The following NUP98 variants were observed in gnomAD, a reference collection of about 807,000 sequenced individuals.
The protein encoded by NUP98 is nucleoporin 98 and 96 precursor, also known as nuclear pore complex protein Nup98-Nup96.
Under a neutral mutation model 191.9 loss-of-function variants are expected in NUP98, and 26 were observed. The observed-to-expected ratio is 0.14, with a 90% CI of 0.10 to 0.19. NUP98 has a LOEUF of 0.19. NUP98 is among the 10% of genes least tolerant of loss of function. The probability of loss-of-function intolerance (pLI) is 1.00; values close to 1 mark genes in which losing one functional copy is unlikely to be tolerated. For synonymous variants in NUP98, 808 were observed against 778.4 expected, an observed-to-expected ratio of 1.04 and a Z score of -0.63; for missense variants, 1,941 against 2,178.8, an observed-to-expected ratio of 0.89 and a Z score of 2.17.
intron 18 of NUP98, among the ~76,000 whole-genome samples, chr11:3,719,147 T>C (rs1023184626): frequency 2.7e-5 from 4 of 148,906 alleles, no homozygotes; most frequent in Non-Finnish European, 6.0e-5. Context: ...AATAGTAAAA[T>C]GAAATGAAAT....
chr11:3,726,513 C>T (rs1159167671), intron 14 of NUP98, among the ~76,000 whole-genome samples: 3 of 144,594 alleles, frequency 2.1e-5, no homozygotes, highest in Non-Finnish European at 3.0e-5. Flanking sequence ...TCCCTATAGA[C>T]GCCACTGACA....
At chr11:3,689,171 T>G (rs1186943979) in intron 28 of NUP98, among the ~76,000 whole-genome samples, 1 of 152,086 alleles carries the variant, frequency 6.6e-6, no homozygotes, top group Non-Finnish European at 1.5e-5. Context: ...TGGTTGAGAC[T>G]GCAATGAGCC....
chr11:3,778,793 C>A, intron 4 of NUP98, 80 bp downstream of exon 4: 1 of 1,437,382 alleles, frequency 7.0e-7, no homozygotes, highest in Non-Finnish European at 9.5e-7. Context: ...TAGATGAACA[C>A]AGAAAAACGG....
intron 8 of NUP98, among the ~76,000 whole-genome samples, chr11:3,767,495 C>G (rs1402685853): frequency 4.0e-5 from 6 of 151,458 alleles, no homozygotes; most frequent in African/African-American, 1.5e-4. Context: ...CTGTGCCTGG[C>G]TAAGTTTTGT....
intron 12 of NUP98, among the ~76,000 whole-genome samples, chr11:3,739,020 C>T (rs571533629): frequency 3.9e-5 from 6 of 151,960 alleles, no homozygotes; most frequent in Admixed American, 3.3e-4. Flanking sequence ...ACTAAGATTC[C>T]GTGGTATAAA....
At chr11:3,702,311 A>ACTCT (rs2078716567) in intron 23 of NUP98, 152 bp downstream of exon 23, 104 of 424,004 alleles carry the variant, frequency 2.5e-4, no homozygotes, top group Non-Finnish European at 3.2e-4. Flanking sequence ...ACACACACAC[A>ACTCT]CACTCTCTCT....
At chr11:3,691,217 T>C in intron 28 of NUP98, 130 bp downstream of exon 28, 1 of 905,770 alleles carries the variant, frequency 1.1e-6, no homozygotes, top group South Asian at 1.7e-5. Flanking sequence ...TCAACTACTT[T>C]AAGTTATATT....
intron 4 of NUP98, 98 bp from the exon 5 acceptor site, chr11:3,776,119 T>A: frequency 5.2e-6 from 4 of 766,522 alleles, no homozygotes; most frequent in Non-Finnish European, 6.2e-6. Context: ...TCACAGTACT[T>A]CATTTTTTTT....
Position 3,797,461 on chromosome 11 carries a change from G to A in NUP98, c.-90C>T, listed in dbSNP as rs2082726602. The A allele has an allele frequency of 4.7e-6, 2 of 424,210 alleles. No individual in the cohort carries two copies. The highest frequency in any genetic ancestry group is 7.1e-5 in the East Asian group (2 of 28,116). 26.3% of individuals were successfully genotyped at this position (424,210 alleles called of 1,614,324 possible). On this transcript the variant is annotated 5_prime_UTR_variant, in exon 1 of 33. Coordinates refer to ENST00000324932, the MANE Select transcript of NUP98 (RefSeq NM_016320.5). ...CCTGCTGCCACCCGCCGCTCACAGA[G>A]CAGCGCGCGGCCCCCACGAAACCGT...
At chr11:3,755,298 GAAAA>G (rs34400646) in intron 10 of NUP98, among the ~76,000 whole-genome samples, 1 of 136,722 alleles carries the variant, frequency 7.3e-6, no homozygotes, top group Non-Finnish European at 1.6e-5. Flanking sequence ...CTACTACCAC[GAAAA>G]AAAAAAAAAA....
At chr11:3,683,511 A>G (rs1185635851) in intron 29 of NUP98, 70 bp from the exon 30 acceptor site, 3 of 1,559,512 alleles carry the variant, frequency 1.9e-6, no homozygotes, top group East Asian at 4.5e-5. Flanking sequence ...GGCAGCTTAG[A>G]GTGGCCCTTG....
At chr11:3,686,222 T>C (rs887196124) in intron 28 of NUP98, 28 bp from the exon 29 acceptor site, 13 of 1,603,044 alleles carry the variant, frequency 8.1e-6, no homozygotes, top group African/African-American at 6.7e-5. Flanking sequence ...AGAGTCAACA[T>C]ACACAGCCAG....
chr11:3,748,235 C>G (rs560676721), intron 11 of NUP98, among the ~76,000 whole-genome samples: 70 of 152,268 alleles, frequency 4.6e-4, no homozygotes, highest in Non-Finnish European at 8.4e-4. Context: ...TCATAACCTA[C>G]AAGATCCAGG....
At chr11:3,793,147 T>A (rs568404959) in intron 1 of NUP98, among the ~76,000 whole-genome samples, 1 of 152,142 alleles carries the variant, frequency 6.6e-6, no homozygotes, top group Non-Finnish European at 1.5e-5. Flanking sequence ...GACTGTAGTG[T>A]CAAAGAGCAG....
chr11:3,730,682 G>A (rs887272127), intron 14 of NUP98, among the ~76,000 whole-genome samples: 5 of 152,000 alleles, frequency 3.3e-5, no homozygotes, highest in African/African-American at 1.2e-4. Flanking sequence ...GTATTTTTAG[G>A]GAAAGAAAGT....
chr11:3,713,872 T>G lies in NUP98; in HGVS notation c.2523A>C (p.Lys841Asn). Residue 841 changes from lysine (K) to asparagine (N), a missense_variant, in exon 19 of 33, where the codon AAA becomes AAC. Coordinates refer to ENST00000324932, the MANE Select transcript of NUP98 (RefSeq NM_016320.5). Reference sequence around the variant, plus strand: ...GGTATTCTTTGAATTGAGCTCCCTGTTTCCTTGAAACTGCTTCCAATCTTC... The same window carrying G: ...GGTATTCTTTGAATTGAGCTCCCTGGTTCCTTGAAACTGCTTCCAATCTTC... ...YEGRLEAVSR[K>N]QGAQFKEYRP... 2 of 1,614,190 alleles carry G rather than the reference T, an allele frequency of 1.2e-6. No homozygotes were observed. Among genetic ancestry groups the G allele is most frequent in the Non-Finnish European group, 1.7e-6 (2 of 1,180,020 alleles).
intron 25 of NUP98, among the ~76,000 whole-genome samples, chr11:3,698,525 C>G (rs896424392): frequency 6.6e-6 from 1 of 151,176 alleles, no homozygotes; most frequent in South Asian, 2.1e-4. Context: ...GTCAGGAGTT[C>G]GAGACCAGCC....
At chr11:3,719,773 CTTTTTTTTTTT>C (rs890736950) in intron 17 of NUP98, among the ~76,000 whole-genome samples, 1 of 143,520 alleles carries the variant, frequency 7.0e-6, no homozygotes, top group African/African-American at 2.6e-5. Flanking sequence ...CTTTTCTTTT[CTTTTTTTTTTT>C]GGCAAGGTCT....
Position 3,707,591 on chromosome 11 carries a change from A to T in NUP98, c.2743-964T>A, listed in dbSNP as rs545049212. ...GGTGGTGAAACTGTCTCTACTAAAA[A>T]TATAAAAATTAGCCGATGTAGTGGC... On this transcript the variant is annotated intron_variant, in intron 20 of 32. Transcript: ENST00000324932. Among the ~76,000 whole-genome samples, 83 of 151,472 alleles carry T rather than the reference A, an allele frequency of 5.5e-4. 1 individual carries two copies. The highest frequency in any genetic ancestry group is 6.8e-3 in the Middle Eastern group (2 of 292).
Sources: allele counts gnomAD v4.1 joint callset (sites outside exome capture counted in the v4.1 genomes callset), GRCh38; gene constraint gnomAD v4.1.1; transcripts MANE v1.5; gene names NCBI Gene and HGNC (gene_info 2026-07-23, HGNC 2026-07-21).